Variants in PVT1 observed in about 807,000 individuals in gnomAD.
The protein encoded by PVT1 is Pvt1 oncogene, also known as CXCR4/PVT1 fusion.
intron 4 of PVT1, among the ~76,000 whole-genome samples, chr8:128,052,097 G>A (rs1212103882): frequency 6.6e-6 from 1 of 152,182 alleles, no homozygotes; most frequent in African/African-American, 2.4e-5. Flanking sequence ...CACCAGTCAA[G>A]ATATTTTGGG....
At chr8:127,990,640 G>A (rs1176849371) in intron 4 of PVT1, among the ~76,000 whole-genome samples, 2 of 152,258 alleles carry the variant, frequency 1.3e-5, no homozygotes, top group Non-Finnish European at 2.9e-5. Flanking sequence ...AGAACTGAGA[G>A]CATAGCAGAG....
At chr8:128,041,518 C>T (rs1156892615) in intron 4 of PVT1, among the ~76,000 whole-genome samples, 3 of 137,918 alleles carry the variant, frequency 2.2e-5, no homozygotes, top group African/African-American at 5.5e-5. Flanking sequence ...TGTGTGTATG[C>T]ATGTGTGTTG....
rs530203281 is a variant in PVT1, at chr8:127,904,141, C to T, written n.782+13143C>T. The stretch of plus-strand genomic sequence containing the variant: ...AGTCCTTGTAGAGATCTTTCACCTC[C>T]TTGGTTAGAAAGTATTACTAGATAT... On this transcript the variant is annotated intron_variant and non_coding_transcript_variant, in intron 3 of 10. Transcript: ENST00000651587. Among the ~76,000 whole-genome samples, 29 of 152,154 alleles carry T rather than the reference C, an allele frequency of 1.9e-4. 1 individual carries two copies. The South Asian group carries it at 5.0e-3, about 26-fold the overall frequency.
At position 128,042,145 on chromosome 8, in the gene PVT1, AGG is replaced by A. The variant is rs774753149; in HGVS notation, n.913-28013_913-28012del. Among the ~76,000 whole-genome samples, 588 of 152,354 alleles carry A rather than the reference AGG, an allele frequency of 3.9e-3. 1 individual carries two copies. The highest frequency in any genetic ancestry group is 0.013 in the African/African-American group (527 of 41,588). On this transcript the variant is annotated intron_variant and non_coding_transcript_variant, in intron 4 of 10. Coordinates refer to ENST00000651587, the Ensembl canonical transcript of PVT1. ...AAATAGTTTTGCAGCCCCAAGGGAC[AGG>A]GTCATTTGAACTCGGTGACTGGAAA...
intron 2 of PVT1, among the ~76,000 whole-genome samples, chr8:127,809,113 T>TTAGC (rs1207377398): frequency 1.4e-5 from 2 of 144,914 alleles, no homozygotes; most frequent in Non-Finnish European, 3.0e-5. Flanking sequence ...GAGGGAAGAG[T>TTAGC]TAGCTAGCTA....
At chr8:127,946,225 A>G (rs1050710131) in intron 3 of PVT1, among the ~76,000 whole-genome samples, 3 of 152,200 alleles carry the variant, frequency 2.0e-5, no homozygotes, top group South Asian at 2.1e-4. Context: ...TGCACAAGCC[A>G]TTCAATCGAT....
chr8:127,854,481 T>C (rs1368397464), intron 2 of PVT1, among the ~76,000 whole-genome samples: 1 of 151,962 alleles, frequency 6.6e-6, no homozygotes. Context: ...TTTAAAGGGG[T>C]CCCAAATTGT....
chr8:127,962,051 T>C (rs1178529475), intron 3 of PVT1, among the ~76,000 whole-genome samples: 1 of 152,270 alleles, frequency 6.6e-6, no homozygotes, highest in Non-Finnish European at 1.5e-5. Context: ...CTCGCCTCAC[T>C]GCAACCTCCG....
At chr8:127,868,488 A>G (rs1815309586) in intron 2 of PVT1, among the ~76,000 whole-genome samples, 1 of 151,984 alleles carries the variant, frequency 6.6e-6, no homozygotes, top group Non-Finnish European at 1.5e-5. Flanking sequence ...CCTGGGTTCA[A>G]GCAATTTTCG....
intron 4 of PVT1, among the ~76,000 whole-genome samples, chr8:128,002,471 T>G (rs1376760525): frequency 1.3e-5 from 2 of 152,206 alleles, no homozygotes; most frequent in Admixed American, 6.5e-5. Flanking sequence ...AGAAATGTAT[T>G]CTCTCATAGT....
chr8:127,825,936 A>G (rs1457324167), intron 2 of PVT1, among the ~76,000 whole-genome samples: 3 of 151,340 alleles, frequency 2.0e-5, no homozygotes, highest in Admixed American at 2.0e-4. Context: ...TTGCAGCCTC[A>G]AATTCCTGGG....
chr8:127,912,642 G>T (rs145780701), intron 3 of PVT1, among the ~76,000 whole-genome samples: 1 of 152,128 alleles, frequency 6.6e-6, no homozygotes, highest in Non-Finnish European at 1.5e-5. Flanking sequence ...GGTGACATTC[G>T]CATTGAACAC....
At position 127,962,035 on chromosome 8, in the gene PVT1, C is replaced by T. The variant is rs963032921; in HGVS notation, n.783-27127C>T. Among the ~76,000 whole-genome samples the T allele has an allele frequency of 3.3e-5, 5 of 152,162 alleles. 1 individual carries two copies. The South Asian group carries it at 6.2e-4, about 19-fold the overall frequency. ...TGTCGCCTAGGCTGGAGTGCAGTGG[C>T]GCGATCTCGCCTCACTGCAACCTCC... On this transcript the variant is annotated intron_variant and non_coding_transcript_variant, in intron 3 of 10. Transcript: ENST00000651587.
At chr8:127,968,607 A>G (rs915138658) in intron 3 of PVT1, among the ~76,000 whole-genome samples, 1 of 152,166 alleles carries the variant, frequency 6.6e-6, no homozygotes, top group African/African-American at 2.4e-5. Context: ...TGTATCAGGG[A>G]GGCCCTAAAA....
chr8:127,846,980 CTTT>C (rs34437112), intron 2 of PVT1, among the ~76,000 whole-genome samples: 1 of 62,426 alleles, frequency 1.6e-5, no homozygotes. Flanking sequence ...TGCACATGGC[CTTT>C]TTTTTTTTTT....
At chr8:127,974,419 T>C (rs762494672) in intron 3 of PVT1, among the ~76,000 whole-genome samples, 27 of 152,192 alleles carry the variant, frequency 1.8e-4, no homozygotes, top group Admixed American at 3.3e-4. Context: ...TCATCATTAT[T>C]ATTAATTTTT....
chr8:127,859,661 G>C (rs904153682), intron 2 of PVT1, among the ~76,000 whole-genome samples: 3 of 152,016 alleles, frequency 2.0e-5, no homozygotes, highest in African/African-American at 7.2e-5. Flanking sequence ...TGTCTAAACG[G>C]AGCAGGCTCA....
intron 2 of PVT1, among the ~76,000 whole-genome samples, chr8:127,827,187 G>C (rs927840950): frequency 6.6e-6 from 1 of 151,876 alleles, no homozygotes; most frequent in African/African-American, 2.4e-5. Flanking sequence ...TAGGGACGGG[G>C]TTTCTCCATG....
chr8:127,944,359 A>G (rs1461672056), intron 3 of PVT1, among the ~76,000 whole-genome samples: 1 of 152,224 alleles, frequency 6.6e-6, no homozygotes, highest in East Asian at 1.9e-4. Flanking sequence ...TTGTGATTTA[A>G]GGAAGCCCCA....
Sources: allele counts gnomAD v4.1 joint callset (sites outside exome capture counted in the v4.1 genomes callset), GRCh38; gene constraint gnomAD v4.1.1; transcripts MANE v1.5; gene names NCBI Gene and HGNC (gene_info 2026-07-23, HGNC 2026-07-21).